USP34: variants seen among roughly 807,000 people sequenced by gnomAD.
USP34 encodes ubiquitin carboxyl-terminal hydrolase 34.
A neutral mutation model predicts 460.3 loss-of-function variants in USP34; 70 were observed. The observed-to-expected ratio is 0.15, with a 90% CI of 0.13 to 0.19. USP34 has a LOEUF of 0.19. Ranked by LOEUF, USP34 falls within the 10% of genes least tolerant of loss-of-function variation. The pLI, the probability that USP34 is intolerant of heterozygous loss-of-function variation, is 1.00. For synonymous variants in USP34, 1,647 were observed against 1,405.3 expected (o/e 1.17, Z -3.85); for missense variants, 3,985 against 4,236.2 (o/e 0.94, Z 1.65).
chr2:61,289,612 A>G (rs1689788030), intron 33 of USP34, among the ~76,000 whole-genome samples: 1 of 152,102 alleles, frequency 6.6e-6, no homozygotes, highest in African/African-American at 2.4e-5. Context: ...AACATACCAG[A>G]AAGAAATGGT....
intron 74 of USP34, among the ~76,000 whole-genome samples, chr2:61,204,044 A>G (rs1009688112): frequency 4.6e-5 from 7 of 151,720 alleles, no homozygotes; most frequent in East Asian, 1.9e-4. Flanking sequence ...TTTGAGGGGG[A>G]AAAAAAACTT....
intron 15 of USP34, 149 bp from the exon 16 acceptor site, chr2:61,344,178 G>T: frequency 1.4e-6 from 1 of 704,704 alleles, no homozygotes; most frequent in Non-Finnish European, 2.3e-6. Flanking sequence ...AGAGCTTTAC[G>T]AAACTGAAAA....
At chr2:61,274,281 T>C (rs1428669060) in intron 41 of USP34, among the ~76,000 whole-genome samples, 15 of 151,764 alleles carry the variant, frequency 9.9e-5, no homozygotes, top group Admixed American at 7.9e-4. Flanking sequence ...TCCCAGCTAG[T>C]AGGGAGGCTG....
intron 76 of USP34, 138 bp from the exon 77 acceptor site, chr2:61,190,796 G>T (rs1686617571): frequency 9.5e-7 from 1 of 1,051,374 alleles, no homozygotes; most frequent in Non-Finnish European, 1.3e-6. Flanking sequence ...GAAAAGCCAT[G>T]TCTAACTCAC....
chr2:61,285,555 G>A (rs1336987190), intron 34 of USP34, among the ~76,000 whole-genome samples: 2 of 151,578 alleles, frequency 1.3e-5, no homozygotes, highest in Admixed American at 1.3e-4. Context: ...TTAGAAATAG[G>A]GGCAAAAATA....
intron 5 of USP34, among the ~76,000 whole-genome samples, chr2:61,394,340 T>A (rs377064374): frequency 1.3e-5 from 2 of 151,712 alleles, no homozygotes; most frequent in African/African-American, 4.8e-5. Flanking sequence ...CAGGACAGAA[T>A]CCCAGGAAGA....
intron 70 of USP34, chr2:61,207,947 A>G (rs537330095): frequency 6.6e-6 from 1 of 152,346 alleles, no homozygotes; most frequent in South Asian, 2.1e-4. Flanking sequence ...GTGAATTCTT[A>G]TGGTACTCTT....
chr2:61,371,096 G>C (rs931728340), intron 8 of USP34, among the ~76,000 whole-genome samples: 6 of 152,162 alleles, frequency 3.9e-5, no homozygotes, highest in Non-Finnish European at 7.4e-5. Context: ...GCATAATAAT[G>C]ATTTGGTCAA....
chr2:61,438,411 G>A (rs954244305), intron 1 of USP34, among the ~76,000 whole-genome samples: 47 of 152,110 alleles, frequency 3.1e-4, no homozygotes, highest in African/African-American at 9.6e-4. Flanking sequence ...TCAGGAGTTC[G>A]AGACCAGCCT....
At chr2:61,222,993 G>A (rs1005288768) in intron 64 of USP34, 67 bp downstream of exon 64, 35 of 1,387,836 alleles carry the variant, frequency 2.5e-5, no homozygotes, top group South Asian at 6.8e-5. Context: ...CACCGCACTC[G>A]GCCAGATTTC....
rs190429092 is a variant in USP34, at chr2:61,337,917, T to G, written c.2744+1434A>C. On this transcript the variant is annotated intron_variant, in intron 18 of 79. Transcript: ENST00000398571. ...CAAATTATTGAACCACTTATTAAAA[T>G]TTGTGTTTTCACAAAGACTTTTAAA... Among the ~76,000 whole-genome samples, 737 of 152,362 alleles carry G rather than the reference T, an allele frequency of 4.8e-3. 9 individuals carry two copies. Among genetic ancestry groups the G allele is most frequent in the African/African-American group, 0.016 (658 of 41,590 alleles).
In USP34 at chr2:61,301,150, A is replaced by G; in HGVS notation, c.3929T>C (p.Val1310Ala). 6.3e-7 allele frequency: 1 copy of G among 1,589,194 alleles called. No individual in the cohort carries two copies. The highest frequency in any genetic ancestry group is 8.5e-7 in the Non-Finnish European group (1 of 1,172,456). The change falls in exon 29 of 80, where the codon GTA (valine) becomes GCA (alanine). Residue 1310 changes from valine to alanine, a missense_variant. By Grantham distance (64) the Val-to-Ala change is moderately conservative. Transcript: ENST00000398571. ...LGFKDMQMVF[V>A]SLGAPRRERK... is the part of the protein sequence containing the mutation. ...CTCTCTCCTTGGTGCACCCAAAGAT[A>G]CAAATACCATCTATAAAAAACAGGA...
chr2:61,326,221 G>C (rs903575666), intron 20 of USP34, among the ~76,000 whole-genome samples: 1 of 151,956 alleles, frequency 6.6e-6, no homozygotes, highest in Non-Finnish European at 1.5e-5. Context: ...TTTGGGGCTG[G>C]AAGGGGGGCA....
chr2:61,310,920 CAA>C (rs1178871697), intron 27 of USP34, among the ~76,000 whole-genome samples: 9 of 151,974 alleles, frequency 5.9e-5, no homozygotes, highest in African/African-American at 1.9e-4. Flanking sequence ...ATGGTCACAT[CAA>C]AAGTCTAAAA....
rs544847105 is a variant in USP34, at chr2:61,382,895, C to G, written c.821+374G>C. On this transcript the variant is annotated intron_variant, in intron 6 of 79. Coordinates refer to ENST00000398571, the MANE Select transcript of USP34 (RefSeq NM_014709.4). ...CTTTCTGATGTAGTATTATCATTTA[C>G]TTCTTTTGTAAACAGACTGCACAAG... Among the ~76,000 whole-genome samples the G allele has an allele frequency of 2.0e-5, 3 of 152,248 alleles. No individual in the cohort carries two copies. In the East Asian group the frequency reaches 5.8e-4, roughly 29 times the overall value.
intron 37 of USP34, among the ~76,000 whole-genome samples, chr2:61,282,061 C>T (rs1292675305): frequency 6.6e-6 from 1 of 152,214 alleles, no homozygotes; most frequent in Non-Finnish European, 1.5e-5. Flanking sequence ...GCGATCTTGG[C>T]TCACTGCAAC....
intron 1 of USP34, among the ~76,000 whole-genome samples, chr2:61,463,765 C>T (rs1454011810): frequency 4.0e-5 from 6 of 150,134 alleles, no homozygotes; most frequent in Admixed American, 1.3e-4. Context: ...ACCCAGGAGG[C>T]GGAGGTTGCA....
At chr2:61,325,731 G>C (rs781562392) in intron 20 of USP34, among the ~76,000 whole-genome samples, 3 of 152,106 alleles carry the variant, frequency 2.0e-5, no homozygotes, top group Non-Finnish European at 2.9e-5. Context: ...AGCAGAGGAA[G>C]TATGTCATTT....
intron 1 of USP34, among the ~76,000 whole-genome samples, chr2:61,468,758 G>A (rs1695859571): frequency 6.6e-6 from 1 of 152,084 alleles, no homozygotes; most frequent in Admixed American, 6.6e-5. Context: ...CTCCATAAAT[G>A]CACTGCATTT....
Sources: allele counts gnomAD v4.1 joint callset (sites outside exome capture counted in the v4.1 genomes callset), GRCh38; gene constraint gnomAD v4.1.1; transcripts MANE v1.5; gene names NCBI Gene and HGNC (gene_info 2026-07-23, HGNC 2026-07-21).